AASS: variants seen among roughly 807,000 people sequenced by gnomAD.
The protein encoded by AASS is alpha-aminoadipic semialdehyde synthase, mitochondrial.
AASS carries 86 observed loss-of-function variants against 105.4 expected under a neutral mutation model. That is an observed-to-expected ratio of 0.82 (90% confidence interval 0.69 to 0.98). The LOEUF (loss-of-function observed/expected upper bound fraction) is 0.98, where lower values mean the gene tolerates loss of function less well. AASS is among the 50% of genes least tolerant of loss of function. AASS has a pLI of 0.00. For synonymous variants in AASS, 381 were observed against 394.8 expected (o/e 0.96, Z 0.41); for missense variants, 1,048 against 1,143.2 (o/e 0.92, Z 1.20).
intron 18 of AASS, among the ~76,000 whole-genome samples, chr7:122,089,480 A>T (rs1037361548): frequency 3.9e-5 from 6 of 152,202 alleles, no homozygotes; most frequent in Admixed American, 1.3e-4. Flanking sequence ...TACAAAAGAC[A>T]TTTAGGATGA....
At chr7:122,080,555 A>G (rs999631147) in intron 20 of AASS, among the ~76,000 whole-genome samples, 3 of 152,184 alleles carry the variant, frequency 2.0e-5, no homozygotes, top group Non-Finnish European at 4.4e-5. Flanking sequence ...TAAGTTTATG[A>G]AAGGTAAAAC....
At chr7:122,141,201 T>C (rs1468124537) in intron 1 of AASS, among the ~76,000 whole-genome samples, 4 of 152,172 alleles carry the variant, frequency 2.6e-5, no homozygotes, top group African/African-American at 7.2e-5. Context: ...TATAAAATAC[T>C]TTACTGGATT....
chr7:122,095,158 A>C (rs987644927), intron 15 of AASS, among the ~76,000 whole-genome samples: 4 of 151,826 alleles, frequency 2.6e-5, no homozygotes, highest in Non-Finnish European at 5.9e-5. Flanking sequence ...TATTGAGTAG[A>C]CTCCAGGAAG....
At chr7:122,143,596 T>A (rs1796500768) in intron 1 of AASS, among the ~76,000 whole-genome samples, 1 of 151,288 alleles carries the variant, frequency 6.6e-6, no homozygotes, top group Admixed American at 6.6e-5. Context: ...GGAGAATGGG[T>A]CTGTGTCTCG....
intron 2 of AASS, among the ~76,000 whole-genome samples, chr7:122,132,977 T>C (rs1795978959): frequency 6.6e-6 from 1 of 152,162 alleles, no homozygotes; most frequent in African/African-American, 2.4e-5. Context: ...TATGAATTAT[T>C]AATTTCTTAG....
chr7:122,084,088 G>T (rs905268107), intron 19 of AASS, among the ~76,000 whole-genome samples: 1 of 151,638 alleles, frequency 6.6e-6, no homozygotes, highest in Admixed American at 6.6e-5. Flanking sequence ...TATCCTAACT[G>T]CTGGCCAAAA....
At chr7:122,079,449 C>T in intron 21 of AASS, 148 bp downstream of exon 21, 1 of 1,066,846 alleles carries the variant, frequency 9.4e-7, no homozygotes, top group South Asian at 1.4e-5. Context: ...TTTATGCCCA[C>T]ATGAACATGG....
chr7:122,082,353 C>T (rs1793383484), intron 19 of AASS, among the ~76,000 whole-genome samples: 2 of 152,170 alleles, frequency 1.3e-5, no homozygotes, highest in Non-Finnish European at 1.5e-5. Context: ...GTACATGCTG[C>T]TCCTGTAACT....
At chr7:122,100,527 T>G (rs1025745444) in intron 13 of AASS, among the ~76,000 whole-genome samples, 1 of 151,916 alleles carries the variant, frequency 6.6e-6, no homozygotes, top group African/African-American at 2.4e-5. Flanking sequence ...ACGCTTGATC[T>G]GGGCAGATCT....
chr7:122,083,981 G>A (rs1793502246), intron 19 of AASS, among the ~76,000 whole-genome samples: 1 of 151,994 alleles, frequency 6.6e-6, no homozygotes, highest in South Asian at 2.1e-4. Flanking sequence ...GCTCCCACTC[G>A]CACACCTTGT....
At chr7:122,138,588 G>A (rs1209380473) in intron 1 of AASS, among the ~76,000 whole-genome samples, 1 of 152,086 alleles carries the variant, frequency 6.6e-6, no homozygotes, top group Non-Finnish European at 1.5e-5. Flanking sequence ...GGATAAGAAG[G>A]AACTACTATG....
Position 122,113,140 on chromosome 7 carries a change from AG to A in AASS, c.1255del (p.Leu419PhefsTer8). The A allele has an allele frequency of 1.2e-6, 2 of 1,614,000 alleles. No individual in the cohort carries two copies. Among genetic ancestry groups the A allele is most frequent in the African/African-American group, 2.7e-5 (2 of 75,046 alleles). ...TACCATTTCTTCAACATAAGGGTAA[AG>A]CATGTCTCCAAAGCATTCTGTAGCT... ...IEATECFGDM[L>X]YPYVEEMILS... On this transcript the variant is annotated frameshift_variant, in exon 11 of 24. Transcript: ENST00000417368. LOFTEE classifies it high-confidence loss of function.
chr7:122,117,018 C>A, intron 6 of AASS, 61 bp from the exon 7 acceptor site: 1 of 1,413,974 alleles, frequency 7.1e-7, no homozygotes, highest in Non-Finnish European at 1.0e-6. Context: ...ACATGGTTTT[C>A]TGCAAAGATC....
intron 19 of AASS, among the ~76,000 whole-genome samples, chr7:122,084,899 T>C (rs1793550491): frequency 6.6e-6 from 1 of 152,110 alleles, no homozygotes; most frequent in South Asian, 2.1e-4. Context: ...GTCAGGTCTC[T>C]GATCCTGAGA....
chr7:122,126,470 G>T lies in AASS; in HGVS notation c.388-11C>A, dbSNP rs1205996231. The T allele has an allele frequency of 6.2e-7, 1 of 1,612,054 alleles. No homozygotes were observed. Among genetic ancestry groups the T allele is most frequent in the Non-Finnish European group, 8.5e-7 (1 of 1,178,452 alleles). ...AATAAGGCGAATTTCCTGAAAAGAGGATAAAAAAATTTCAACTGGACCCAT... is the reference window on the plus strand; with the variant it reads ...AATAAGGCGAATTTCCTGAAAAGAGTATAAAAAAATTTCAACTGGACCCAT... On this transcript the variant is annotated splice_polypyrimidine_tract_variant and intron_variant, in intron 3 of 23. Coordinates refer to ENST00000417368, the MANE Select transcript of AASS (RefSeq NM_005763.4).
Position 122,076,535 on chromosome 7 carries a change from T to C in AASS, c.2735A>G (p.Lys912Arg). The C allele has an allele frequency of 6.2e-7, 1 of 1,614,032 alleles. No homozygotes were observed. Among genetic ancestry groups the C allele is most frequent in the South Asian group, 1.1e-5 (1 of 91,080 alleles). ...TGTAGTATATATAATGCCTTCTGCT[T>C]TAATTCGCTCCAATATTGGTCCATA... Reference protein sequence around the residue: ...EIYGPILERIKAEGIIYTTQS... With the variant: ...EIYGPILERIRAEGIIYTTQS... The change falls in exon 24 of 24, where the codon AAA becomes AGA. Residue 912 changes from lysine (K) to arginine (R), a missense_variant. By Grantham distance (26) the Lys-to-Arg change is conservative. Transcript: ENST00000417368.
intron 11 of AASS, among the ~76,000 whole-genome samples, chr7:122,109,595 C>T (rs1313187763): frequency 2.0e-5 from 3 of 151,774 alleles, no homozygotes; most frequent in Non-Finnish European, 4.4e-5. Context: ...TGGATATCTA[C>T]ATTCAGAAGA....
In AASS at chr7:122,078,719, G is replaced by A. The variant is rs991885453; in HGVS notation, c.2485+143C>T. On this transcript the variant is annotated intron_variant, in intron 22 of 23. Coordinates refer to ENST00000417368, the MANE Select transcript of AASS (RefSeq NM_005763.4). ...AATAATTCTCAAATTCCTCCCTCTG[G>A]AAAAATAGTCCAATTGCCCTTTTCT... is the stretch of plus-strand genomic sequence containing the variant. 3 of 758,190 alleles carry A rather than the reference G, an allele frequency of 4.0e-6. No homozygotes were observed. The African/African-American group carries it at 5.2e-5, about 13-fold the overall frequency. 47.0% of individuals were successfully genotyped at this position (758,190 alleles called of 1,614,324 possible). A position where few individuals can be genotyped will look rare whatever the true frequency, so the allele number is the denominator to read the frequency against.
chr7:122,101,763 A>G, intron 11 of AASS, 83 bp from the exon 12 acceptor site: 1 of 1,026,756 alleles, frequency 9.7e-7, no homozygotes, highest in Non-Finnish European at 1.5e-6. Flanking sequence ...TAAAATATTA[A>G]TCAAGGGAAA....
Sources: allele counts gnomAD v4.1 joint callset (sites outside exome capture counted in the v4.1 genomes callset), GRCh38; gene constraint gnomAD v4.1.1; transcripts MANE v1.5; gene names NCBI Gene and HGNC (gene_info 2026-07-23, HGNC 2026-07-21).